Variants in OR56A3 observed in about 807,000 individuals in gnomAD.
OR56A3 encodes olfactory receptor family 56 subfamily A member 3.
In OR56A3, 23 loss-of-function variants were observed where a neutral mutation model predicts 17.5. The ratio of observed to expected loss-of-function variants is 1.32; its 90% CI spans 0.95 to 1.87. The LOEUF (loss-of-function observed/expected upper bound fraction) is 1.87, where lower values mean the gene tolerates loss of function less well. Ranked by LOEUF, OR56A3 falls within the 40% of genes most tolerant of loss-of-function variation. The probability of loss-of-function intolerance (pLI) is 0.00; values close to 1 mark genes in which losing one functional copy is unlikely to be tolerated. For synonymous variants in OR56A3, 175 were observed against 150.6 expected (o/e 1.16, Z -1.19); for missense variants, 366 against 380.1 (o/e 0.96, Z 0.31).
At chr11:5,983,984 G>A in the OR56A3 span, among the ~76,000 whole-genome samples, 5 of 152,098 alleles carry the variant, frequency 3.3e-5, no homozygotes, top group South Asian at 2.1e-4. Context: ...TTTATATTCC[G>A]CTAAGGTTCC....
chr11:5,953,294 C>T (rs1248711980), downstream of OR56A3, among the ~76,000 whole-genome samples: 2 of 152,168 alleles, frequency 1.3e-5, no homozygotes, highest in Non-Finnish European at 2.9e-5. Context: ...TTCCCTTTCA[C>T]TGCAGCCTTG....
chr11:5,975,073 T>C, the OR56A3 span, among the ~76,000 whole-genome samples: 1 of 152,354 alleles, frequency 6.6e-6, no homozygotes, highest in South Asian at 2.1e-4. Context: ...CACTAATATG[T>C]ATTTTTTTCT....
At chr11:5,963,265 C>CATT in the OR56A3 span, among the ~76,000 whole-genome samples, 1 of 152,150 alleles carries the variant, frequency 6.6e-6, no homozygotes, top group Admixed American at 6.5e-5. Context: ...TGAGGTGCAA[C>CATT]ATTAGGTTGT....
At chr11:6,012,685 C>T in the OR56A3 span, among the ~76,000 whole-genome samples, 3 of 152,172 alleles carry the variant, frequency 2.0e-5, no homozygotes, top group African/African-American at 7.2e-5. Flanking sequence ...GGGGGCAAGC[C>T]CAGAAAAGGC....
At chr11:6,002,355 T>C in the OR56A3 span, 3 of 1,614,110 alleles carry the variant, frequency 1.9e-6, no homozygotes, top group African/African-American at 1.3e-5. Context: ...AAGGATAAGA[T>C]CAGAGCCCAA....
At chr11:5,947,284 A>G in intron 2 of OR56A3, 27 bp from the exon 3 acceptor site, 3 of 1,401,746 alleles carry the variant, frequency 2.1e-6, no homozygotes, top group South Asian at 1.4e-5. Context: ...AAGAATCCAC[A>G]GCTAGTTTGT....
At chr11:6,002,646 C>A in the OR56A3 span, 1 of 1,614,238 alleles carries the variant, frequency 6.2e-7, no homozygotes, top group Non-Finnish European at 8.5e-7. Flanking sequence ...CATGAACGTG[C>A]AGGACTCCAT....
chr11:5,986,017 A>C, the OR56A3 span: 1 of 1,613,370 alleles, frequency 6.2e-7, no homozygotes, highest in Non-Finnish European at 8.5e-7. Flanking sequence ...AAGAGGATTG[A>C]GCGCAGGTGG....
At chr11:6,002,383 CAAACTGGT>C in the OR56A3 span, 5 of 1,614,226 alleles carry the variant, frequency 3.1e-6, no homozygotes, top group South Asian at 5.5e-5. Flanking sequence ...CAGCCTGCCA[CAAACTGGT>C]AGAGCTGATT....
chr11:5,963,761 C>G, the OR56A3 span, among the ~76,000 whole-genome samples: 1 of 152,076 alleles, frequency 6.6e-6, no homozygotes, highest in African/African-American at 2.4e-5. Context: ...AAGTATTTTG[C>G]TATTGTTCCT....
intron 2 of OR56A3, 40 bp from the exon 3 acceptor site, chr11:5,947,271 A>G (rs923380794): frequency 4.5e-6 from 6 of 1,331,234 alleles, no homozygotes; most frequent in Admixed American, 2.4e-5. Context: ...ATCTTTGTGT[A>G]TCAAGAATCC....
chr11:5,979,474 C>T, the OR56A3 span, among the ~76,000 whole-genome samples: 3 of 151,950 alleles, frequency 2.0e-5, no homozygotes, highest in African/African-American at 7.2e-5. Flanking sequence ...AGGAATTTAT[C>T]CATTTTTTCT....
the OR56A3 span, among the ~76,000 whole-genome samples, chr11:5,992,479 G>A: frequency 1.3e-5 from 2 of 152,250 alleles, no homozygotes; most frequent in African/African-American, 4.8e-5. Context: ...CTCACTCCCT[G>A]ACAATCATTG....
chr11:5,984,279 C>A, the OR56A3 span, among the ~76,000 whole-genome samples: 1 of 152,170 alleles, frequency 6.6e-6, no homozygotes. Flanking sequence ...ACATATCCCA[C>A]TTGGAAGATC....
At chr11:5,994,377 C>A in the OR56A3 span, 6 of 709,672 alleles carry the variant, frequency 8.5e-6, no homozygotes, top group Non-Finnish European at 1.6e-5. Context: ...CAGCTTCTCT[C>A]TGTTCTTCCC....
chr11:6,006,994 G>T, the OR56A3 span: 1 of 152,408 alleles, frequency 6.6e-6, no homozygotes, highest in Non-Finnish European at 1.5e-5. Flanking sequence ...TATGGACCCT[G>T]ACTCCACTAG....
the OR56A3 span, among the ~76,000 whole-genome samples, chr11:5,984,557 A>G: frequency 6.6e-6 from 1 of 152,190 alleles, no homozygotes; most frequent in African/African-American, 2.4e-5. Flanking sequence ...AATAGATGTA[A>G]TACATCATAC....
chr11:5,966,206 A>C, the OR56A3 span, among the ~76,000 whole-genome samples: 2 of 120,288 alleles, frequency 1.7e-5, no homozygotes, highest in African/African-American at 3.1e-5. Context: ...CCCCGTCTCT[A>C]CAAAAAAAAA....
At position 5,948,026 on chromosome 11, in the gene OR56A3, G is replaced by T. The variant is rs767579946; in HGVS notation, c.680G>T (p.Arg227Leu). 6.2e-7 allele frequency: 1 copy of T among 1,614,146 alleles called. No homozygotes were observed. The highest frequency in any genetic ancestry group is 2.2e-5 in the East Asian group (1 of 44,884). ...LIFLSYTFIL[R>L]AVLRLKAEGA... is the part of the protein sequence containing the mutation. ...TTCCTCTCCTACACCTTCATTCTGCGAGCTGTGCTGAGACTCAAGGCAGAG... is the reference window on the plus strand; with the variant it reads ...TTCCTCTCCTACACCTTCATTCTGCTAGCTGTGCTGAGACTCAAGGCAGAG... The change falls in exon 3 of 3, where the codon CGA becomes CTA. Residue 227 changes from arginine to leucine, a missense_variant. Physicochemically the swap from Arg to Leu is moderately radical, Grantham distance 102. Transcript: ENST00000641160.
Sources: allele counts gnomAD v4.1 joint callset (sites outside exome capture counted in the v4.1 genomes callset), GRCh38; gene constraint gnomAD v4.1.1; transcripts MANE v1.5; gene names NCBI Gene and HGNC (gene_info 2026-07-23, HGNC 2026-07-21).